The following STAG1 variants were observed in gnomAD, a reference collection of about 807,000 sequenced individuals.
STAG1 encodes the protein STAG1 cohesin complex component.
A neutral mutation model predicts 170.9 loss-of-function variants in STAG1; 26 were observed. The observed-to-expected ratio is 0.15, with a 90% CI of 0.11 to 0.21. STAG1 has a LOEUF of 0.21. Among genes scored for constraint, STAG1 ranks in the 10% least tolerant of loss-of-function variants. The probability of loss-of-function intolerance (pLI) is 1.00; values close to 1 mark genes in which losing one functional copy is unlikely to be tolerated. For missense variants in STAG1, 964 were observed against 1,509.5 expected (o/e 0.64, Z 5.99); for synonymous variants, 514 against 497.7 (o/e 1.03, Z -0.44).
At chr3:136,372,653 T>C (rs929300124) in intron 23 of STAG1, among the ~76,000 whole-genome samples, 85 of 152,334 alleles carry the variant, frequency 5.6e-4, no homozygotes, top group Non-Finnish European at 7.8e-4. Flanking sequence ...ATTACGTTTA[T>C]TGATTTTCCT....
intron 1 of STAG1, among the ~76,000 whole-genome samples, chr3:136,712,515 T>C (rs1384874767): frequency 6.6e-6 from 1 of 152,220 alleles, no homozygotes; most frequent in Non-Finnish European, 1.5e-5. Context: ...CTTCACAGAA[T>C]AGGACATCAA....
Position 136,720,782 on chromosome 3 carries a change from C to T in STAG1, c.-84+31413G>A, listed in dbSNP as rs188306027. 5.3e-3 allele frequency among the ~76,000 whole-genome samples: 799 copies of T among 150,734 alleles called. 4 individuals carry two copies. The highest frequency in any genetic ancestry group is 7.9e-3 in the Non-Finnish European group (537 of 67,588). On this transcript the variant is annotated intron_variant, in intron 1 of 33. Coordinates refer to ENST00000383202, the MANE Select transcript of STAG1 (RefSeq NM_005862.3). ...CCAGTCTGGGTGACAGAGCAAGATT[C>T]CATCTCAAAAAAAAAAGAAAAAGAA...
At chr3:136,606,952 G>A (rs1354503362) in intron 3 of STAG1, among the ~76,000 whole-genome samples, 1 of 151,752 alleles carries the variant, frequency 6.6e-6, no homozygotes, top group East Asian at 1.9e-4. Flanking sequence ...TGGTTTCACT[G>A]TGTTAGGCAG....
At chr3:136,638,144 G>A (rs1054831473) in intron 1 of STAG1, among the ~76,000 whole-genome samples, 7 of 116,742 alleles carry the variant, frequency 6.0e-5, no homozygotes, top group Non-Finnish European at 1.4e-4. Context: ...TTTTTTTTTT[G>A]AGACAGAGTT....
chr3:136,475,898 A>G (rs751809233), intron 10 of STAG1, among the ~76,000 whole-genome samples: 1 of 152,214 alleles, frequency 6.6e-6, no homozygotes, highest in South Asian at 2.1e-4. Flanking sequence ...TATTTCCTTT[A>G]GAAAGAGAAC....
chr3:136,456,667 C>T (rs1172603937), intron 13 of STAG1, among the ~76,000 whole-genome samples: 1 of 152,138 alleles, frequency 6.6e-6, no homozygotes, highest in Non-Finnish European at 1.5e-5. Context: ...CAGATGTCAT[C>T]AAACAAATTC....
intron 23 of STAG1, among the ~76,000 whole-genome samples, chr3:136,369,658 CAA>C (rs1396255663): frequency 1.3e-5 from 2 of 152,024 alleles, no homozygotes; most frequent in African/African-American, 4.8e-5. Flanking sequence ...TAGATTATAA[CAA>C]AGATTAGAAA....
chr3:136,431,878 G>C lies in STAG1; in HGVS notation c.1650+1678C>G, dbSNP rs115591866. Among the ~76,000 whole-genome samples, 688 of 152,214 alleles carry C rather than the reference G, an allele frequency of 4.5e-3. 7 individuals carry two copies. The highest frequency in any genetic ancestry group is 0.016 in the African/African-American group (671 of 41,526). The stretch of plus-strand genomic sequence containing the variant: ...TCTTTTAACAATGTGACTATGTTGT[G>C]TCTATATGTGGAACTTTTGTGTTTA... On this transcript the variant is annotated intron_variant, in intron 16 of 33. Transcript: ENST00000383202.
chr3:136,575,757 A>C (rs1175515520), intron 4 of STAG1, among the ~76,000 whole-genome samples: 1 of 152,182 alleles, frequency 6.6e-6, no homozygotes, highest in African/African-American at 2.4e-5. Context: ...GTAATAAGAC[A>C]GCATTTCATG....
At chr3:136,672,836 C>T (rs530334250) in intron 1 of STAG1, among the ~76,000 whole-genome samples, 1 of 152,122 alleles carries the variant, frequency 6.6e-6, no homozygotes, top group East Asian at 1.9e-4. Flanking sequence ...AGACAAAGAC[C>T]ATGGTGAAAA....
At position 136,353,891 on chromosome 3, in the gene STAG1, T is replaced by C. The variant is rs150658147; in HGVS notation, c.3065+3829A>G. Among the ~76,000 whole-genome samples the C allele has an allele frequency of 6.4e-3, 981 of 152,298 alleles. 12 individuals carry two copies. The highest frequency in any genetic ancestry group is 0.022 in the African/African-American group (932 of 41,564). ...TCTTAACTGATTTAAAAAGCAAATA[T>C]ATAAAACAATATGTATGTTACTGTA... On this transcript the variant is annotated intron_variant, in intron 28 of 33. Transcript: ENST00000383202.
intron 1 of STAG1, among the ~76,000 whole-genome samples, chr3:136,748,552 C>T (rs962887266): frequency 4.0e-5 from 6 of 151,334 alleles, no homozygotes; most frequent in African/African-American, 1.2e-4. Context: ...AGTGCTACCA[C>T]GCCTGGCTAA....
intron 1 of STAG1, chr3:136,736,383 A>AAAAGC (rs1934334926): frequency 2.5e-6 from 2 of 794,936 alleles, no homozygotes; most frequent in Non-Finnish European, 4.2e-6. Context: ...AAATGGACTG[A>AAAAGC]AAAGCAAATA....
chr3:136,472,744 T>C (rs893393934), intron 11 of STAG1, among the ~76,000 whole-genome samples: 11 of 152,208 alleles, frequency 7.2e-5, no homozygotes, highest in African/African-American at 2.7e-4. Flanking sequence ...ACATACAAAA[T>C]TACTATCTTT....
intron 5 of STAG1, among the ~76,000 whole-genome samples, chr3:136,555,810 A>T (rs1047186048): frequency 3.9e-5 from 6 of 152,250 alleles, no homozygotes; most frequent in African/African-American, 1.4e-4. Flanking sequence ...GAATTCTACC[A>T]AACATTCTGG....
At chr3:136,438,536 T>C (rs1023253331) in intron 15 of STAG1, among the ~76,000 whole-genome samples, 3 of 152,112 alleles carry the variant, frequency 2.0e-5, no homozygotes, top group African/African-American at 7.2e-5. Context: ...CCTTATCATT[T>C]AGTTTCTTGG....
rs753319364 is a variant in STAG1 at position 136,399,679 on chromosome 3, T to C, written c.2197-850A>G. Among the ~76,000 whole-genome samples the C allele has an allele frequency of 1.1e-3, 161 of 152,206 alleles. 1 individual carries two copies. The highest frequency in any genetic ancestry group is 1.8e-3 in the Non-Finnish European group (123 of 68,038). ...GATCATATTGCGATTAACATGCTTA[T>C]ATATGTGTCTTGGTGCACTCTGCAT... On this transcript the variant is annotated intron_variant, in intron 21 of 33. Transcript: ENST00000383202.
chr3:136,351,854 T>C (rs1936444515), intron 28 of STAG1, among the ~76,000 whole-genome samples: 1 of 152,126 alleles, frequency 6.6e-6, no homozygotes, highest in African/African-American at 2.4e-5. Flanking sequence ...TATCCAACAG[T>C]AAAGGGTAAA....
At chr3:136,403,224 T>TTAAAAAAAA (rs1236331531) in intron 21 of STAG1, among the ~76,000 whole-genome samples, 1 of 33,600 alleles carries the variant, frequency 3.0e-5, no homozygotes, top group Non-Finnish European at 4.7e-5. Context: ...GAGACTGTCT[T>TTAAAAAAAA]AAAAAAAAAA....
Sources: gnomAD v4.1 joint callset for allele counts (sites outside exome capture counted in the v4.1 genomes callset) on GRCh38, gnomAD v4.1.1 for gene constraint, MANE v1.5 for transcripts, NCBI Gene and HGNC (gene_info 2026-07-23, HGNC 2026-07-21) for gene names.